The following MLIP variants were observed in gnomAD, a reference collection of about 807,000 sequenced individuals.
MLIP encodes muscular LMNA-interacting protein.
Under a neutral mutation model 84.8 loss-of-function variants are expected in MLIP, and 79 were observed. The ratio of observed to expected loss-of-function variants is 0.93; its 90% CI spans 0.78 to 1.12. The LOEUF (loss-of-function observed/expected upper bound fraction) is 1.12, where lower values mean the gene tolerates loss of function less well. Among genes scored for constraint, MLIP ranks in the 50% most tolerant of loss-of-function variants. The pLI, the probability that MLIP is intolerant of heterozygous loss-of-function variation, is 0.00. For synonymous variants in MLIP, 504 were observed against 463.0 expected (o/e 1.09, Z -1.14); for missense variants, 1,257 against 1,160.6 (o/e 1.08, Z -1.21).
chr6:54,051,373 A>AT (rs1302566501), intron 1 of MLIP, among the ~76,000 whole-genome samples: 4 of 151,722 alleles, frequency 2.6e-5, no homozygotes, highest in Non-Finnish European at 5.9e-5. Flanking sequence ...TTTTTCTTTT[A>AT]TTTTTCCTTT....
chr6:54,121,734 A>C, intron 2 of MLIP, 132 bp downstream of exon 2: 1 of 682,864 alleles, frequency 1.5e-6, no homozygotes, highest in East Asian at 2.8e-5. Context: ...CTAAAAATAT[A>C]ATAATGCAAC....
intron 1 of MLIP, among the ~76,000 whole-genome samples, chr6:54,087,033 C>A (rs1202934919): frequency 6.6e-6 from 1 of 152,168 alleles, no homozygotes; most frequent in African/African-American, 2.4e-5. Context: ...ATAGAGGTTA[C>A]ATGAGGGCAG....
At chr6:54,128,992 A>G (rs1405291642) in intron 3 of MLIP, among the ~76,000 whole-genome samples, 2 of 151,966 alleles carry the variant, frequency 1.3e-5, no homozygotes, top group African/African-American at 4.8e-5. Context: ...CACCTTTTTC[A>G]AATGTAGCTC....
rs540060057 is a variant in MLIP, at chr6:54,259,570, A to AT, written c.2976+2215dup. ...AGAATGGTATAGATGTAGTACTTGC[A>AT]TTTTTTCACACCAATTATCACAACC... On this transcript the variant is annotated intron_variant, in intron 13 of 13. Transcript: ENST00000502396. Among the ~76,000 whole-genome samples, 241 of 152,000 alleles carry AT rather than the reference A, an allele frequency of 1.6e-3. 2 individuals carry two copies. Among genetic ancestry groups the AT allele is most frequent in the African/African-American group, 5.0e-3 (208 of 41,554 alleles).
At chr6:54,076,446 A>C (rs1766808279) in intron 1 of MLIP, among the ~76,000 whole-genome samples, 2 of 152,218 alleles carry the variant, frequency 1.3e-5, no homozygotes, top group African/African-American at 2.4e-5. Context: ...ACTGTATTGC[A>C]AAAGACTCTG....
chr6:54,231,013 G>GAATATTTA, intron 12 of MLIP, 96 bp downstream of exon 12: 1 of 961,458 alleles, frequency 1.0e-6, no homozygotes, highest in South Asian at 1.7e-5. Flanking sequence ...CATGTGTTAG[G>GAATATTTA]AATATTTAAA....
chr6:54,192,854 C>T (rs994461052), intron 10 of MLIP, among the ~76,000 whole-genome samples: 9 of 152,134 alleles, frequency 5.9e-5, no homozygotes, highest in African/African-American at 2.2e-4. Flanking sequence ...TATTTGACTC[C>T]TATTTTAGGA....
chr6:54,210,399 A>G (rs2150739656), intron 11 of MLIP, among the ~76,000 whole-genome samples: 1 of 152,352 alleles, frequency 6.6e-6, no homozygotes, highest in African/African-American at 2.4e-5. Context: ...TTCTTACACC[A>G]AACTTCCTTG....
intron 12 of MLIP, among the ~76,000 whole-genome samples, chr6:54,231,469 G>A (rs1438435455): frequency 6.5e-5 from 5 of 77,498 alleles, no homozygotes; most frequent in South Asian, 5.3e-4. Flanking sequence ...GTGTGTGTGC[G>A]TGTGTGTGCG....
chr6:54,206,876 G>A (rs1268509187), intron 11 of MLIP, among the ~76,000 whole-genome samples: 1 of 152,198 alleles, frequency 6.6e-6, no homozygotes, highest in Non-Finnish European at 1.5e-5. Context: ...CTCTGGCTTT[G>A]TCACAAACTA....
intron 1 of MLIP, among the ~76,000 whole-genome samples, chr6:54,078,989 C>T (rs953955000): frequency 4.6e-5 from 7 of 152,170 alleles, no homozygotes; most frequent in Non-Finnish European, 7.4e-5. Flanking sequence ...CCGCGCCCGG[C>T]CCAAGAAATA....
intron 12 of MLIP, among the ~76,000 whole-genome samples, 163 bp from the exon 13 acceptor site, chr6:54,257,145 G>T (rs1314253581): frequency 1.3e-5 from 2 of 152,106 alleles, no homozygotes; most frequent in Non-Finnish European, 2.9e-5. Context: ...TCTTCCTTTT[G>T]TCTTTTAGTG....
chr6:54,056,671 T>C (rs912018996), intron 1 of MLIP, among the ~76,000 whole-genome samples: 4 of 152,156 alleles, frequency 2.6e-5, no homozygotes, highest in African/African-American at 9.7e-5. Context: ...TCTAGAAGCT[T>C]GCCAGCAAGA....
intron 9 of MLIP, among the ~76,000 whole-genome samples, chr6:54,177,236 A>G (rs1776379897): frequency 6.6e-6 from 1 of 152,196 alleles, no homozygotes; most frequent in South Asian, 2.1e-4. Context: ...AGCAAAATAA[A>G]TTATCATCAG....
chr6:54,237,631 A>T (rs10456171), intron 12 of MLIP, among the ~76,000 whole-genome samples: 24 of 150,596 alleles, frequency 1.6e-4, no homozygotes, highest in Non-Finnish European at 3.2e-4. Flanking sequence ...GGATTGCTTA[A>T]GCCCAGGAGC....
At chr6:54,188,727 G>C (rs2150668205) in intron 9 of MLIP, among the ~76,000 whole-genome samples, 1 of 152,236 alleles carries the variant, frequency 6.6e-6, no homozygotes, top group Non-Finnish European at 1.5e-5. Flanking sequence ...TGAAGAGATA[G>C]TCATGTAGGA....
Position 54,169,631 on chromosome 6 carries a change from G to C in MLIP, c.2544+59G>C. 2.6e-6 allele frequency: 3 copies of C among 1,132,108 alleles called. No homozygotes were observed. In the South Asian group the frequency reaches 4.5e-5, roughly 17 times the overall value. 70.1% of individuals were successfully genotyped at this position (1,132,108 alleles called of 1,614,324 possible). A position where few individuals can be genotyped will look rare whatever the true frequency, so the allele number is the denominator to read the frequency against. ...CAAATGGGTGCCTGTGTATGCTTTAGAGAGAACACTATTATACAGTAATTT... is the reference window on the plus strand; with the variant it reads ...CAAATGGGTGCCTGTGTATGCTTTACAGAGAACACTATTATACAGTAATTT... On this transcript the variant is annotated intron_variant, in intron 9 of 13. Transcript: ENST00000502396.
intron 12 of MLIP, among the ~76,000 whole-genome samples, chr6:54,256,908 T>C (rs974530311): frequency 6.6e-6 from 1 of 152,170 alleles, no homozygotes; most frequent in African/African-American, 2.4e-5. Context: ...CTTGTTGCTG[T>C]TGCTTTGGAG....
intron 9 of MLIP, among the ~76,000 whole-genome samples, chr6:54,169,775 T>C (rs892274879): frequency 6.6e-6 from 1 of 151,694 alleles, no homozygotes; most frequent in African/African-American, 2.4e-5. Context: ...AATTTGTCCT[T>C]AAGTGAGGTC....
Sources: gnomAD v4.1 joint callset for allele counts (sites outside exome capture counted in the v4.1 genomes callset) on GRCh38, gnomAD v4.1.1 for gene constraint, MANE v1.5 for transcripts, NCBI Gene and HGNC (gene_info 2026-07-23, HGNC 2026-07-21) for gene names.